The following CYP39A1 variants were observed in gnomAD, a reference collection of about 807,000 sequenced individuals.
The protein encoded by CYP39A1 is cytochrome P450 family 39 subfamily A member 1.
CYP39A1 carries 49 observed loss-of-function variants against 58.1 expected under a neutral mutation model. The ratio of observed to expected loss-of-function variants is 0.84; its 90% CI spans 0.67 to 1.07. CYP39A1 has a LOEUF of 1.07. Among genes scored for constraint, CYP39A1 ranks in the 50% least tolerant of loss-of-function variants. The probability of loss-of-function intolerance (pLI) is 0.00; values close to 1 mark genes in which losing one functional copy is unlikely to be tolerated. For synonymous variants in CYP39A1, 209 were observed against 187.6 expected, an observed-to-expected ratio of 1.11 and a Z score of -0.93; for missense variants, 531 against 539.4, an observed-to-expected ratio of 0.98 and a Z score of 0.16.
At chr6:46,580,632 G>T (rs1772080422) in intron 10 of CYP39A1, among the ~76,000 whole-genome samples, 1 of 151,970 alleles carries the variant, frequency 6.6e-6, no homozygotes, top group Admixed American at 6.6e-5. Flanking sequence ...TCCAGAATCT[G>T]TAAGGAACTT....
intron 1 of CYP39A1, among the ~76,000 whole-genome samples, chr6:46,645,397 G>T (rs527584509): frequency 6.6e-6 from 1 of 152,006 alleles, no homozygotes; most frequent in Non-Finnish European, 1.5e-5. Context: ...TTTGGCTTAC[G>T]CTATCAAATT....
chr6:46,589,873 G>A (rs1044278945), intron 8 of CYP39A1, among the ~76,000 whole-genome samples: 8 of 152,088 alleles, frequency 5.3e-5, no homozygotes, highest in Admixed American at 2.6e-4. Flanking sequence ...TTAAGTTGCT[G>A]TTGACCTGTG....
chr6:46,620,181 A>G (rs949814045), intron 7 of CYP39A1, among the ~76,000 whole-genome samples: 2 of 152,124 alleles, frequency 1.3e-5, no homozygotes, highest in African/African-American at 4.8e-5. Flanking sequence ...ACCCCTCTTT[A>G]TATCTCCATA....
Position 46,609,162 on chromosome 6 carries a change from G to A in CYP39A1, c.932-13042C>T, listed in dbSNP as rs186186609. Among the ~76,000 whole-genome samples, 943 of 151,962 alleles carry A rather than the reference G, an allele frequency of 6.2e-3. 8 individuals carry two copies. Among genetic ancestry groups the A allele is most frequent in the African/African-American group, 0.021 (877 of 41,518 alleles). ...CACGCCTGTAATCCCAGCACTTCGGGAGGCCGAGGTGGGCGGATTACGAGG... is the reference window on the plus strand; with the variant it reads ...CACGCCTGTAATCCCAGCACTTCGGAAGGCCGAGGTGGGCGGATTACGAGG... On this transcript the variant is annotated intron_variant, in intron 7 of 11. Coordinates refer to ENST00000275016, the MANE Select transcript of CYP39A1 (RefSeq NM_016593.5).
chr6:46,632,455 T>C (rs1268442802), intron 5 of CYP39A1, among the ~76,000 whole-genome samples: 3 of 151,304 alleles, frequency 2.0e-5, no homozygotes, highest in Non-Finnish European at 2.9e-5. Flanking sequence ...TCCCTGGCTC[T>C]ATTTGTCAGG....
At position 46,602,926 on chromosome 6, in the gene CYP39A1, G is replaced by GA. The variant is rs559195689; in HGVS notation, c.932-6807_932-6806insT. On this transcript the variant is annotated intron_variant, in intron 7 of 11. Coordinates refer to ENST00000275016, the MANE Select transcript of CYP39A1 (RefSeq NM_016593.5). Reference sequence around the variant, plus strand: ...CTGAAAGCCACTAAATATAAAATGGGGGGGGGGAGCTTTATTTCTTCTTCT... The same window carrying GA: ...CTGAAAGCCACTAAATATAAAATGGGAGGGGGGGAGCTTTATTTCTTCTTCT... 8.0e-5 allele frequency among the ~76,000 whole-genome samples: 11 copies of GA among 137,556 alleles called. No individual in the cohort carries two copies. The South Asian group carries it at 1.6e-3, about 20-fold the overall frequency. 90.2% of individuals were successfully genotyped at this position (137,556 alleles called of 152,430 possible).
At chr6:46,641,185 GATAGGT>G (rs1263023280) in intron 2 of CYP39A1, among the ~76,000 whole-genome samples, 2 of 151,938 alleles carry the variant, frequency 1.3e-5, no homozygotes, top group African/African-American at 4.8e-5. Context: ...ATACACCTCT[GATAGGT>G]AACTTAGTAA....
chr6:46,615,908 A>T (rs1377059157), intron 7 of CYP39A1, among the ~76,000 whole-genome samples: 2 of 151,444 alleles, frequency 1.3e-5, no homozygotes, highest in Non-Finnish European at 2.9e-5. Flanking sequence ...CTCAAATCTC[A>T]CTTTGCCAAT....
intron 8 of CYP39A1, among the ~76,000 whole-genome samples, chr6:46,595,667 G>T (rs190787037): frequency 6.6e-6 from 1 of 152,120 alleles, no homozygotes; most frequent in African/African-American, 2.4e-5. Flanking sequence ...GTAAGTTCAA[G>T]AGGTCTATTG....
chr6:46,575,003 G>C (rs1021798485), intron 10 of CYP39A1, among the ~76,000 whole-genome samples: 9 of 152,156 alleles, frequency 5.9e-5, no homozygotes, highest in African/African-American at 1.9e-4. Context: ...GCTGAAAGTA[G>C]AGAAAGTTGG....
chr6:46,591,537 T>C (rs995090373), intron 8 of CYP39A1, among the ~76,000 whole-genome samples: 4 of 152,098 alleles, frequency 2.6e-5, no homozygotes, highest in African/African-American at 9.6e-5. Context: ...CATGTTAGCA[T>C]GTAAGAGGTT....
At chr6:46,602,908 C>A (rs887330947) in intron 7 of CYP39A1, among the ~76,000 whole-genome samples, 1 of 113,018 alleles carries the variant, frequency 8.8e-6, no homozygotes, top group Non-Finnish European at 1.7e-5. Context: ...ACACTGAAAG[C>A]CACTAAATAT....
At chr6:46,639,466 A>G in intron 3 of CYP39A1, 28 bp downstream of exon 3, 1 of 1,603,366 alleles carries the variant, frequency 6.2e-7, no homozygotes, top group Admixed American at 1.7e-5. Context: ...AAAAAGCAAG[A>G]CTAAATCATA....
intron 8 of CYP39A1, among the ~76,000 whole-genome samples, chr6:46,588,603 T>C (rs1309344842): frequency 2.0e-5 from 3 of 152,094 alleles, no homozygotes; most frequent in African/African-American, 7.2e-5. Flanking sequence ...ATGGTAGCAC[T>C]GAGAAGAGGG....
At chr6:46,596,800 A>G (rs1434532565) in intron 7 of CYP39A1, among the ~76,000 whole-genome samples, 1 of 152,186 alleles carries the variant, frequency 6.6e-6, no homozygotes, top group Non-Finnish European at 1.5e-5. Flanking sequence ...AAGTAATGGC[A>G]GGAACTTTCA....
chr6:46,631,001 G>A lies in CYP39A1; in HGVS notation c.802C>T (p.Leu268Phe), dbSNP rs1775623981. The A allele has an allele frequency of 6.2e-7, 1 of 1,613,996 alleles. No individual in the cohort carries two copies. The highest frequency in any genetic ancestry group is 8.5e-7 in the Non-Finnish European group (1 of 1,179,970). Residue 268 changes from leucine (L) to phenylalanine (F), a missense_variant, in exon 6 of 12, where the codon CTC (leucine) becomes TTC (phenylalanine). Leu to Phe is a conservative substitution (Grantham distance 22). Coordinates refer to ENST00000275016, the MANE Select transcript of CYP39A1 (RefSeq NM_016593.5). Reference protein sequence around the residue: ...TSKENSPNYGLLLLWASLSNA... With the variant: ...TSKENSPNYGFLLLWASLSNA... ...GACAGAGAAGCCCAAAGCAGTAAGA[G>A]CCCATAATTGGGTGAGTTTTCCTTA...
chr6:46,641,600 C>T (rs1270975809), intron 2 of CYP39A1, among the ~76,000 whole-genome samples: 2 of 152,046 alleles, frequency 1.3e-5, no homozygotes, highest in Admixed American at 6.6e-5. Context: ...ACAATTGCAG[C>T]CTAGGAAGAA....
intron 10 of CYP39A1, among the ~76,000 whole-genome samples, chr6:46,554,422 C>T (rs1770565637): frequency 6.6e-6 from 1 of 152,242 alleles, no homozygotes; most frequent in Non-Finnish European, 1.5e-5. Context: ...CATCAAATTC[C>T]CCAGGACCTC....
At chr6:46,609,245 CA>C (rs898720587) in intron 7 of CYP39A1, among the ~76,000 whole-genome samples, 2 of 150,748 alleles carry the variant, frequency 1.3e-5, no homozygotes, top group African/African-American at 2.4e-5. Flanking sequence ...GCTAAATATA[CA>C]AAAAAAATTA....
Sources: gnomAD v4.1 joint callset for allele counts (sites outside exome capture counted in the v4.1 genomes callset) on GRCh38, gnomAD v4.1.1 for gene constraint, MANE v1.5 for transcripts, NCBI Gene and HGNC (gene_info 2026-07-23, HGNC 2026-07-21) for gene names.